Variants in TECRL observed in about 807,000 individuals in gnomAD.
The protein encoded by TECRL is trans-2,3-enoyl-CoA reductase-like.
A neutral mutation model predicts 52.8 loss-of-function variants in TECRL; 63 were observed. The ratio of observed to expected loss-of-function variants is 1.19; its 90% CI spans 0.97 to 1.47. The LOEUF is 1.47. TECRL is among the 40% of genes most tolerant of loss of function. The probability of loss-of-function intolerance (pLI) is 0.00; values close to 1 mark genes in which losing one functional copy is unlikely to be tolerated. For missense variants in TECRL, 482 were observed against 429.6 expected (o/e 1.12, Z -1.08); for synonymous variants, 164 against 141.9 (o/e 1.16, Z -1.10).
At chr4:64,363,673 G>A (rs1186356931) in intron 2 of TECRL, among the ~76,000 whole-genome samples, 1 of 152,110 alleles carries the variant, frequency 6.6e-6, no homozygotes, top group African/African-American at 2.4e-5. Flanking sequence ...TAAAGAAGAG[G>A]AACAGGCTAT....
At chr4:64,359,948 G>A (rs1313639636) in intron 2 of TECRL, among the ~76,000 whole-genome samples, 2 of 152,118 alleles carry the variant, frequency 1.3e-5, no homozygotes, top group Non-Finnish European at 2.9e-5. Context: ...GAAAATACAG[G>A]CTTAAGTAAG....
chr4:64,283,578 C>G (rs62408511), intron 9 of TECRL, among the ~76,000 whole-genome samples: 25 of 151,964 alleles, frequency 1.6e-4, no homozygotes, highest in African/African-American at 5.8e-4. Context: ...ACAAACACAT[C>G]TAAAACAAAC....
intron 4 of TECRL, 46 bp downstream of exon 4, chr4:64,322,643 G>A: frequency 7.5e-7 from 1 of 1,341,044 alleles, no homozygotes; most frequent in African/African-American, 1.5e-5. Flanking sequence ...AAATTATTTA[G>A]AGCAAAATAT....
At chr4:64,374,916 A>T (rs1722289542) in intron 2 of TECRL, among the ~76,000 whole-genome samples, 2 of 152,100 alleles carry the variant, frequency 1.3e-5, no homozygotes, top group East Asian at 1.9e-4. Context: ...TTCCTGTTAT[A>T]ATAAAATTAA....
intron 2 of TECRL, among the ~76,000 whole-genome samples, chr4:64,353,169 G>A (rs986794628): frequency 1.3e-5 from 2 of 152,176 alleles, no homozygotes; most frequent in African/African-American, 4.8e-5. Context: ...GGGGAAAGCT[G>A]AGAAGTGAAG....
chr4:64,351,474 A>G (rs1340173657), intron 2 of TECRL, among the ~76,000 whole-genome samples: 3 of 152,026 alleles, frequency 2.0e-5, no homozygotes, highest in East Asian at 1.9e-4. Flanking sequence ...AGGTCTCACT[A>G]TATTGCCAAG....
intron 3 of TECRL, among the ~76,000 whole-genome samples, chr4:64,323,881 A>G (rs1718071861): frequency 6.6e-6 from 1 of 152,212 alleles, no homozygotes; most frequent in African/African-American, 2.4e-5. Context: ...AGAGTCCTTA[A>G]GGTATTTTAA....
chr4:64,306,956 A>G (rs943024780), intron 6 of TECRL, among the ~76,000 whole-genome samples: 3 of 152,212 alleles, frequency 2.0e-5, no homozygotes, highest in Non-Finnish European at 4.4e-5. Context: ...TGACAAGGCA[A>G]AGATTTGTTT....
At chr4:64,367,520 C>A (rs1721681852) in intron 2 of TECRL, among the ~76,000 whole-genome samples, 1 of 151,240 alleles carries the variant, frequency 6.6e-6, no homozygotes, top group Admixed American at 6.7e-5. Flanking sequence ...CAAAAAGTGT[C>A]ATATATCACA....
At chr4:64,394,580 C>G (rs1432123710) in intron 1 of TECRL, among the ~76,000 whole-genome samples, 1 of 151,906 alleles carries the variant, frequency 6.6e-6, no homozygotes, top group African/African-American at 2.4e-5. Context: ...ATACTGTGAC[C>G]CAAAGTGGAT....
At chr4:64,305,671 T>A (rs781193510) in intron 6 of TECRL, among the ~76,000 whole-genome samples, 4 of 152,200 alleles carry the variant, frequency 2.6e-5, no homozygotes, top group Non-Finnish European at 5.9e-5. Flanking sequence ...GACCACATTA[T>A]AATGCTATTA....
Position 64,322,725 on chromosome 4 carries a change from A to T in TECRL, c.399T>A (p.Tyr133Ter), listed in dbSNP as rs755992796. The change falls in exon 4 of 12, where the codon TAT (tyrosine) becomes TAA (stop). Residue 133 changes from tyrosine to a stop codon, truncating the protein, a stop_gained. Coordinates refer to ENST00000381210, the MANE Select transcript of TECRL (RefSeq NM_001010874.5). LOFTEE classifies it high-confidence loss of function. The stretch of plus-strand genomic sequence containing the variant: ...TGACTTGTTGACCTAGGTCTGTAGC[A>T]TACAGTGTGACAATGGAGGAAGCTG... The part of the protein sequence containing the change: ...SIAASSIVTL[Y>*]ATDLGQQVSW... 1.2e-6 allele frequency: 2 copies of T among 1,612,520 alleles called. No homozygotes were observed. The highest frequency in any genetic ancestry group is 1.7e-6 in the Non-Finnish European group (2 of 1,179,148).
At chr4:64,359,846 G>A (rs1225378105) in intron 2 of TECRL, among the ~76,000 whole-genome samples, 1 of 152,048 alleles carries the variant, frequency 6.6e-6, no homozygotes, top group African/African-American at 2.4e-5. Flanking sequence ...AATTTGACTA[G>A]TATTTTAAAG....
chr4:64,329,425 G>A (rs1029193382), intron 2 of TECRL, among the ~76,000 whole-genome samples: 6 of 151,520 alleles, frequency 4.0e-5, no homozygotes, highest in Admixed American at 2.6e-4. Context: ...AGTGCTTCAT[G>A]GAAATGAGAA....
intron 8 of TECRL, among the ~76,000 whole-genome samples, chr4:64,292,360 T>C (rs931947532): frequency 6.6e-6 from 1 of 151,994 alleles, no homozygotes; most frequent in Non-Finnish European, 1.5e-5. Flanking sequence ...AAAATTATCT[T>C]ACATAATAAA....
In TECRL at chr4:64,285,253, C is replaced by T. The variant is rs778843398; in HGVS notation, c.833-3694G>A. Among the ~76,000 whole-genome samples the T allele has an allele frequency of 3.9e-5, 6 of 152,100 alleles. No homozygotes were observed. In the South Asian group the frequency reaches 1.0e-3, roughly 26 times the overall value. ...CATATCCAACTTATCTGTCTCCAGT[C>T]ATTCCAACTCTTGACACCTCTACAG... is the stretch of plus-strand genomic sequence containing the variant. On this transcript the variant is annotated intron_variant, in intron 9 of 11. Transcript: ENST00000381210.
At chr4:64,355,471 G>C (rs912212538) in intron 2 of TECRL, among the ~76,000 whole-genome samples, 4 of 152,062 alleles carry the variant, frequency 2.6e-5, no homozygotes, top group African/African-American at 9.7e-5. Flanking sequence ...AAGAGATTAT[G>C]TAAAAGGGAA....
intron 1 of TECRL, among the ~76,000 whole-genome samples, chr4:64,405,926 G>T (rs930773077): frequency 3.9e-5 from 6 of 152,206 alleles, no homozygotes; most frequent in Middle Eastern, 3.4e-3. Context: ...TGAGAATAGG[G>T]CTCTGCATTT....
downstream of TECRL, chr4:64,276,818 G>A: frequency 2.9e-6 from 1 of 346,034 alleles, no homozygotes; most frequent in Non-Finnish European, 5.2e-6. Flanking sequence ...TATTAATTTA[G>A]AGTATCATTA....
Sources: gnomAD v4.1 joint callset for allele counts (sites outside exome capture counted in the v4.1 genomes callset) on GRCh38, gnomAD v4.1.1 for gene constraint, MANE v1.5 for transcripts, NCBI Gene and HGNC (gene_info 2026-07-23, HGNC 2026-07-21) for gene names.